The following ZNF490 variants were observed in gnomAD, a reference collection of about 807,000 sequenced individuals.
ZNF490 encodes the protein zinc finger protein 490.
In ZNF490, 11 loss-of-function variants were observed where a neutral mutation model predicts 17.7. The observed-to-expected ratio is 0.62, with a 90% CI of 0.39 to 1.03. The LOEUF (loss-of-function observed/expected upper bound fraction) is 1.03. Ranked by LOEUF, ZNF490 falls within the 50% of genes least tolerant of loss-of-function variation. The probability of loss-of-function intolerance (pLI) is 0.00; values close to 1 mark genes in which losing one functional copy is unlikely to be tolerated. For synonymous variants in ZNF490, 222 were observed against 216.1 expected, an observed-to-expected ratio of 1.03 and a Z score of -0.24; for missense variants, 542 against 643.4, an observed-to-expected ratio of 0.84 and a Z score of 1.71.
At position 12,576,387 on chromosome 19, in the gene ZNF490, T is replaced by C. The variant is rs567788585; in HGVS notation, c.*4098A>G. Among the ~76,000 whole-genome samples, 4 of 151,726 alleles carry C rather than the reference T, an allele frequency of 2.6e-5. No individual in the cohort carries two copies. In the East Asian group the frequency reaches 5.8e-4, roughly 22 times the overall value. ...TCGGTATGGTGGCACGCGCCTGTAA[T>C]CCCAGCTACTCAGGAGGCTGAAACA... On this transcript the variant is annotated 3_prime_UTR_variant, in exon 5 of 5. Transcript: ENST00000311437.
chr19:12,579,135 C>T lies in ZNF490; in HGVS notation c.*1350G>A. On this transcript the variant is annotated 3_prime_UTR_variant, in exon 5 of 5. Coordinates refer to ENST00000311437, the MANE Select transcript of ZNF490 (RefSeq NM_020714.3). Reference sequence around the variant, plus strand: ...GGGCGTGGTGGCGGGCGCCTGTAGTCCCAGCTACTCGGGAGGCTGAGGCAG... The same window carrying T: ...GGGCGTGGTGGCGGGCGCCTGTAGTTCCAGCTACTCGGGAGGCTGAGGCAG... The T allele has an allele frequency of 6.1e-6, 1 of 163,058 alleles. No individual in the cohort carries two copies. Among genetic ancestry groups the T allele is most frequent in the Non-Finnish European group, 1.3e-5 (1 of 78,374 alleles). The allele number at this position is 163,058 out of a possible 1,614,324, so 10.1% of individuals were successfully genotyped here. A position where few individuals can be genotyped will look rare whatever the true frequency, so the allele number is the denominator to read the frequency against.
chr19:12,581,042 A>G lies in ZNF490; in HGVS notation c.1033T>C (p.Ser345Pro), dbSNP rs139681331. 6.2e-7 allele frequency: 1 copy of G among 1,613,970 alleles called. No homozygotes were observed. Among genetic ancestry groups the G allele is most frequent in the Non-Finnish European group, 8.5e-7 (1 of 1,179,930 alleles). Residue 345 changes from serine to proline, a missense_variant, in exon 5 of 5, where the codon TCT becomes CCT. Ser to Pro is a moderately conservative substitution (Grantham distance 74, BLOSUM62 -1). Coordinates refer to ENST00000311437, the MANE Select transcript of ZNF490 (RefSeq NM_020714.3). ...ACGTGTTTTCGAAGGCTTGAGTGAG[A>G]AAAGAAGGCTCTCCCACATTCCCTA... is the stretch of plus-strand genomic sequence containing the variant. ...VCRECGRAFF[S>P]HSSLRKHVKT...
At chr19:12,583,638 T>A in intron 2 of ZNF490, 82 bp from the exon 3 acceptor site, 1 of 1,410,308 alleles carries the variant, frequency 7.1e-7, no homozygotes, top group Non-Finnish European at 9.5e-7. Flanking sequence ...CCTGAGAAAT[T>A]CCATATAATC....
rs149742929 is a variant in ZNF490 at position 12,576,813 on chromosome 19, C to CAAAAAAAAAAA, written c.*3661_*3671dup. Among the ~76,000 whole-genome samples the CAAAAAAAAAAA allele has an allele frequency of 5.3e-5, 2 of 37,536 alleles. No homozygotes were observed. Among genetic ancestry groups the CAAAAAAAAAAA allele is most frequent in the African/African-American group, 1.0e-4 (1 of 9,712 alleles). 24.6% of individuals were successfully genotyped at this position (37,536 alleles called of 152,430 possible). On this transcript the variant is annotated 3_prime_UTR_variant, in exon 5 of 5. Transcript: ENST00000311437. ...GCCTGGCAACAGTGAGAATCCATCT[C>CAAAAAAAAAAA]AAAAAAAAAAAAAAAAAAAAAAACC...
At position 12,577,909 on chromosome 19, in the gene ZNF490, G is replaced by C. The variant is rs907945301; in HGVS notation, c.*2576C>G. 14 of 985,470 alleles carry C rather than the reference G, an allele frequency of 1.4e-5. No individual in the cohort carries two copies. Among genetic ancestry groups the C allele is most frequent in the Non-Finnish European group, 1.7e-5 (14 of 829,946 alleles). 61.0% of individuals were successfully genotyped at this position (985,470 alleles called of 1,614,324 possible). A position where few individuals can be genotyped will look rare whatever the true frequency, so the allele number is the denominator to read the frequency against. On this transcript the variant is annotated 3_prime_UTR_variant, in exon 5 of 5. Coordinates refer to ENST00000311437, the MANE Select transcript of ZNF490 (RefSeq NM_020714.3). ...GGGGGACTGACTCCAACAAAGGACA[G>C]ACCCGACCCCTATCGTGCCTATGCA...
chr19:12,599,408 ATGT>A (rs2022975805), intron 2 of ZNF490, among the ~76,000 whole-genome samples: 2 of 152,130 alleles, frequency 1.3e-5, no homozygotes, highest in Non-Finnish European at 2.9e-5. Flanking sequence ...TATGGAAGAA[ATGT>A]TGTAGAATTT....
intron 2 of ZNF490, among the ~76,000 whole-genome samples, chr19:12,601,956 T>C (rs1012356345): frequency 2.0e-5 from 3 of 150,562 alleles, no homozygotes; most frequent in African/African-American, 7.4e-5. Flanking sequence ...ATCGCACCAC[T>C]GCACTCCAGC....
At position 12,578,457 on chromosome 19, in the gene ZNF490, C is replaced by T; in HGVS notation, c.*2028G>A. The T allele has an allele frequency of 4.1e-6, 4 of 985,454 alleles. No homozygotes were observed. The highest frequency in any genetic ancestry group is 4.8e-6 in the Non-Finnish European group (4 of 829,968). The allele number at this position is 985,454 out of a possible 1,614,324, so 61.0% of individuals were successfully genotyped here. A position where few individuals can be genotyped will look rare whatever the true frequency, so the allele number is the denominator to read the frequency against. On this transcript the variant is annotated 3_prime_UTR_variant, in exon 5 of 5. Transcript: ENST00000311437. ...TCTTCAGTCTCTCACCTCAGAGCCACCTGCGGTTGCCACAGAGAAATTCAG... is the reference window on the plus strand; with the variant it reads ...TCTTCAGTCTCTCACCTCAGAGCCATCTGCGGTTGCCACAGAGAAATTCAG...
intron 2 of ZNF490, among the ~76,000 whole-genome samples, chr19:12,595,233 C>A (rs957688571): frequency 2.7e-5 from 4 of 150,600 alleles, no homozygotes; most frequent in African/African-American, 9.8e-5. Context: ...CCTCCGCCTC[C>A]CGGGTTCAAG....
chr19:12,581,754 A>G, intron 4 of ZNF490, 30 bp from the exon 5 acceptor site: 3 of 1,521,556 alleles, frequency 2.0e-6, no homozygotes, highest in Non-Finnish European at 2.7e-6. Context: ...TATTATTAAT[A>G]GTTTTGTATT....
In ZNF490 at chr19:12,610,813, T is replaced by C; in HGVS notation, c.-133A>G. On this transcript the variant is annotated 5_prime_UTR_variant, in exon 1 of 5. Transcript: ENST00000311437. ...CCCACCGGCGGAAGCGAGATCTGCC[T>C]AGCTACTAGACCTGCTGCCTAGCTG... The C allele has an allele frequency of 1.1e-6, 1 of 948,190 alleles. No individual in the cohort carries two copies. Among genetic ancestry groups the C allele is most frequent in the South Asian group, 1.4e-5 (1 of 69,956 alleles). The allele number at this position is 948,190 out of a possible 1,614,324, so 58.7% of individuals were successfully genotyped here. A position where few individuals can be genotyped will look rare whatever the true frequency, so the allele number is the denominator to read the frequency against.
chr19:12,583,811 A>ATATAT (rs1290469134), intron 2 of ZNF490, among the ~76,000 whole-genome samples: 2 of 78,654 alleles, frequency 2.5e-5, no homozygotes, highest in Non-Finnish European at 4.6e-5. Context: ...ATATATATAT[A>ATATAT]TTTTTTTTTT....
chr19:12,602,892 C>T (rs2023024234), intron 2 of ZNF490, among the ~76,000 whole-genome samples: 1 of 152,084 alleles, frequency 6.6e-6, no homozygotes, highest in East Asian at 1.9e-4. Context: ...TCCCAGAGTG[C>T]TGGGATTACA....
rs762813141 is a variant in ZNF490, at chr19:12,581,111, G to A, written c.964C>T (p.Arg322Trp). Residue 322 changes from arginine (R) to tryptophan (W), a missense_variant, in exon 5 of 5, where the codon CGG becomes TGG. Coordinates refer to ENST00000311437, the MANE Select transcript of ZNF490 (RefSeq NM_020714.3). ...CCAGTATGAGTTTTCTCATGACTCC[G>A]TAAGTACGTGGGACAACTGAAGGCT... Reference protein sequence around the residue: ...GKAFSCPTYLRSHEKTHTGEK... With the variant: ...GKAFSCPTYLWSHEKTHTGEK... 18 of 1,614,136 alleles carry A rather than the reference G, an allele frequency of 1.1e-5. No homozygotes were observed. The highest frequency in any genetic ancestry group is 2.2e-5 in the East Asian group (1 of 44,870).
At chr19:12,608,284 T>A (rs933915242) in intron 2 of ZNF490, among the ~76,000 whole-genome samples, 2 of 151,946 alleles carry the variant, frequency 1.3e-5, no homozygotes, top group African/African-American at 4.8e-5. Context: ...TCCAAATTTG[T>A]GGTTTTTGTG....
rs1366419903 is a variant in ZNF490 at position 12,610,744 on chromosome 19, A to G, written c.-64T>C. 3.3e-6 allele frequency: 5 copies of G among 1,516,762 alleles called. No individual in the cohort carries two copies. Among genetic ancestry groups the G allele is most frequent in the Non-Finnish European group, 4.6e-6 (5 of 1,098,304 alleles). 94.0% of individuals were successfully genotyped at this position (1,516,762 alleles called of 1,614,324 possible). A position where few individuals can be genotyped will look rare whatever the true frequency, so the allele number is the denominator to read the frequency against. On this transcript the variant is annotated 5_prime_UTR_variant, in exon 1 of 5. Transcript: ENST00000311437. ...CGTGTCCGACCCGAGATCCGGAACAATTTCTGCTTCAACACAATTGTCCAC... is the reference window on the plus strand; with the variant it reads ...CGTGTCCGACCCGAGATCCGGAACAGTTTCTGCTTCAACACAATTGTCCAC...
chr19:12,577,880 A>G lies in ZNF490; in HGVS notation c.*2605T>C, dbSNP rs1315041739. ...TCTAAAACACACTGACTTGCTAAGA[A>G]AAGGGGGGACTGACTCCAACAAAGG... On this transcript the variant is annotated 3_prime_UTR_variant, in exon 5 of 5. Coordinates refer to ENST00000311437, the MANE Select transcript of ZNF490 (RefSeq NM_020714.3). 1 of 975,788 alleles carries G rather than the reference A, an allele frequency of 1.0e-6. No individual in the cohort carries two copies. Among genetic ancestry groups the G allele is most frequent in the Non-Finnish European group, 1.2e-6 (1 of 821,360 alleles). The allele number at this position is 975,788 out of a possible 1,614,324, so 60.4% of individuals were successfully genotyped here.
Position 12,581,471 on chromosome 19 carries a change from T to C in ZNF490, c.604A>G (p.Thr202Ala), listed in dbSNP as rs753247089. ...CGAATACTGGAGCTGCGAGTGAAGG[T>C]TTTCCCACATTCTTTGCATTTATGT... is the stretch of plus-strand genomic sequence containing the variant. ...KPHKCKECGK[T>A]FTRSSSIRTH... The change falls in exon 5 of 5, where the codon ACC becomes GCC. Residue 202 changes from threonine (T) to alanine (A), a missense_variant. Thr to Ala is a moderately conservative substitution (Grantham distance 58, BLOSUM62 0). Coordinates refer to ENST00000311437, the MANE Select transcript of ZNF490 (RefSeq NM_020714.3). 4 of 1,614,206 alleles carry C rather than the reference T, an allele frequency of 2.5e-6. No individual in the cohort carries two copies. Among genetic ancestry groups the C allele is most frequent in the Non-Finnish European group, 3.4e-6 (4 of 1,180,042 alleles).
chr19:12,605,645 T>C (rs1293175082), intron 2 of ZNF490, among the ~76,000 whole-genome samples: 1 of 152,178 alleles, frequency 6.6e-6, no homozygotes, highest in East Asian at 1.9e-4. Context: ...TCCTGGGACT[T>C]ACAACTGACA....
Sources: gnomAD v4.1 joint callset for allele counts (sites outside exome capture counted in the v4.1 genomes callset) on GRCh38, gnomAD v4.1.1 for gene constraint, MANE v1.5 for transcripts, NCBI Gene and HGNC (gene_info 2026-07-23, HGNC 2026-07-21) for gene names.